Variants in TM2D2 observed in about 807,000 individuals in gnomAD.
TM2D2 encodes the protein TM2 domain containing 2.
A neutral mutation model predicts 23.0 loss-of-function variants in TM2D2; 19 were observed. That is an observed-to-expected ratio of 0.82 (90% CI 0.58 to 1.21). The LOEUF is 1.21. Ranked by LOEUF, TM2D2 falls within the 50% of genes most tolerant of loss-of-function variation. The probability of loss-of-function intolerance (pLI) is 0.00; values close to 1 mark genes in which losing one functional copy is unlikely to be tolerated. For synonymous variants in TM2D2, 120 were observed against 108.8 expected (o/e 1.10, Z -0.64); for missense variants, 246 against 265.4 (o/e 0.93, Z 0.51).
chr8:38,996,090 G>C, intron 1 of TM2D2, 123 bp downstream of exon 1: 2 of 1,185,806 alleles, frequency 1.7e-6, no homozygotes, highest in Non-Finnish European at 2.3e-6. Context: ...TTTGCCTCCG[G>C]AACGACCTCA....
chr8:38,994,130 G>A (rs937532567), intron 2 of TM2D2: 1 of 152,126 alleles, frequency 6.6e-6, no homozygotes, highest in Non-Finnish European at 1.5e-5. Context: ...TATTAAAAAT[G>A]AATAGAATTA....
At chr8:38,992,521 C>T (rs56359509) in intron 3 of TM2D2, among the ~76,000 whole-genome samples, 3,701 of 152,036 alleles carry the variant, frequency 0.024, 177 homozygotes, top group African/African-American at 0.085. Context: ...TTATAATACA[C>T]CCTCTTCACC....
At chr8:38,993,445 G>T in intron 3 of TM2D2, 100 bp downstream of exon 3, 1 of 809,246 alleles carries the variant, frequency 1.2e-6, no homozygotes, top group Non-Finnish European at 1.9e-6. Context: ...AACAGAGTGA[G>T]ACCCTGTCTC....
At position 38,991,202 on chromosome 8, in the gene TM2D2, C is replaced by G. The variant is rs565159386; in HGVS notation, c.*130G>C. On this transcript the variant is annotated 3_prime_UTR_variant, in exon 4 of 4. Transcript: ENST00000456397. The stretch of plus-strand genomic sequence containing the variant: ...CAAAGTCCAAAGAAGCCTTCTTAAC[C>G]AAACAAATGCCCTCCAAAAGAAGGA... The G allele has an allele frequency of 9.7e-6, 8 of 825,188 alleles. No homozygotes were observed. The highest frequency in any genetic ancestry group is 8.3e-5 in the Admixed American group (3 of 36,326). 51.1% of individuals were successfully genotyped at this position (825,188 alleles called of 1,614,324 possible). A position where few individuals can be genotyped will look rare whatever the true frequency, so the allele number is the denominator to read the frequency against.
chr8:38,992,917 C>T (rs4733896), intron 3 of TM2D2, among the ~76,000 whole-genome samples: 2 of 152,168 alleles, frequency 1.3e-5, no homozygotes, highest in Non-Finnish European at 2.9e-5. Flanking sequence ...ACTAATCATA[C>T]TCATAGACTG....
At chr8:38,996,984 C>T (rs1436210038), upstream of TM2D2, 4 of 1,540,546 alleles carry the variant, frequency 2.6e-6, no homozygotes, top group Non-Finnish European at 2.6e-6. Flanking sequence ...GACTTGGGGC[C>T]CCGGCAGGGT....
chr8:38,996,615 G>C (rs1312618524), upstream of TM2D2: 3 of 1,442,538 alleles, frequency 2.1e-6, no homozygotes, highest in Non-Finnish European at 2.7e-6. Flanking sequence ...ACTAGAAAAG[G>C]TCGAGCAGAC....
At chr8:38,995,528 C>T in intron 1 of TM2D2, 123 bp from the exon 2 acceptor site, 1 of 1,540,296 alleles carries the variant, frequency 6.5e-7, no homozygotes, top group Non-Finnish European at 8.7e-7. Flanking sequence ...TTCGGTTTCA[C>T]CCTGCTGACC....
intron 1 of TM2D2, chr8:38,995,617 G>A (rs1475812326): frequency 1.4e-6 from 2 of 1,449,600 alleles, no homozygotes; most frequent in Non-Finnish European, 1.8e-6. Flanking sequence ...GGAGAAGGGA[G>A]GTGTTTCTGG....
At chr8:38,993,909 A>G in intron 2 of TM2D2, 2 of 281,262 alleles carry the variant, frequency 7.1e-6, no homozygotes, top group Non-Finnish European at 1.4e-5. Flanking sequence ...ATATAGTAAA[A>G]AAAACCCCCA....
chr8:38,991,636 T>A, intron 3 of TM2D2, 91 bp from the exon 4 acceptor site: 1 of 942,814 alleles, frequency 1.1e-6, no homozygotes, highest in Non-Finnish European at 1.7e-6. Flanking sequence ...GATGAGACAG[T>A]GCAGTGGACC....
At chr8:38,992,450 CA>C (rs1414322657) in intron 3 of TM2D2, among the ~76,000 whole-genome samples, 1 of 150,810 alleles carries the variant, frequency 6.6e-6, no homozygotes, top group African/African-American at 2.4e-5. Context: ...TGTGCCATTA[CA>C]CTCCAGCCTG....
chr8:38,989,818 ACT>A lies in TM2D2; in HGVS notation c.*1512_*1513del, dbSNP rs1835552228. The A allele has an allele frequency of 5.3e-5, 8 of 151,918 alleles. No individual in the cohort carries two copies. In the South Asian group the frequency reaches 1.0e-3, roughly 20 times the overall value. The allele number at this position is 151,918 out of a possible 1,614,324, so 9.4% of individuals were successfully genotyped here. A position where few individuals can be genotyped will look rare whatever the true frequency, so the allele number is the denominator to read the frequency against. On this transcript the variant is annotated 3_prime_UTR_variant, in exon 4 of 4. Coordinates refer to ENST00000456397, the MANE Select transcript of TM2D2 (RefSeq NM_078473.3). ...ATATGGCATCCTTGAACTCCCTTAA[ACT>A]CTTTTATTTGTATAAATTTATAGGG...
chr8:38,992,371 G>A (rs558782858), intron 3 of TM2D2, among the ~76,000 whole-genome samples: 15 of 148,048 alleles, frequency 1.0e-4, no homozygotes, highest in Admixed American at 2.7e-4. Context: ...CTAGTTACTC[G>A]GGAGGCTGAG....
rs1835564609 is a variant in TM2D2, at chr8:38,990,251, CTGAG to C, written c.*1077_*1080del. 1.3e-5 allele frequency: 2 copies of C among 152,236 alleles called. No individual in the cohort carries two copies. Among genetic ancestry groups the C allele is most frequent in the South Asian group, 4.1e-4 (2 of 4,830 alleles). 9.4% of individuals were successfully genotyped at this position (152,236 alleles called of 1,614,324 possible). ...TTAAATTCAATTATTATTAGGTAAA[CTGAG>C]TGAGTTCTACCTTGTTTCTAGAATT... On this transcript the variant is annotated 3_prime_UTR_variant, in exon 4 of 4. Transcript: ENST00000456397.
At chr8:38,992,502 C>T (rs7836422) in intron 3 of TM2D2, among the ~76,000 whole-genome samples, 60,845 of 151,012 alleles carry the variant, frequency 0.4, 12,858 homozygotes, top group East Asian at 0.75. Flanking sequence ...AAAAAAAATA[C>T]GCATTTTTTT....
Position 38,990,796 on chromosome 8 carries a change from T to C in TM2D2, c.*536A>G, listed in dbSNP as rs536439666. ...TTATTCCCCCTACTGAAAATACTCA[T>C]ACAGTACTCCAAGTTGGTAAAATTT... On this transcript the variant is annotated 3_prime_UTR_variant, in exon 4 of 4. Transcript: ENST00000456397. 1 of 157,304 alleles carries C rather than the reference T, an allele frequency of 6.4e-6. No homozygotes were observed. The highest frequency in any genetic ancestry group is 2.4e-5 in the African/African-American group (1 of 41,588). The allele number at this position is 157,304 out of a possible 1,614,324, so 9.7% of individuals were successfully genotyped here. A position where few individuals can be genotyped will look rare whatever the true frequency, so the allele number is the denominator to read the frequency against.
chr8:38,995,941 A>G, intron 1 of TM2D2: 1 of 715,316 alleles, frequency 1.4e-6, no homozygotes, highest in Non-Finnish European at 2.1e-6. Flanking sequence ...GGGCAAAGAA[A>G]GCACAACCTT....
intron 3 of TM2D2, among the ~76,000 whole-genome samples, chr8:38,993,097 A>C (rs1835651727): frequency 1.3e-5 from 2 of 152,212 alleles, no homozygotes; most frequent in South Asian, 2.1e-4. Flanking sequence ...GGGCTAGATC[A>C]TCTGGCCCAA....
Sources: allele counts gnomAD v4.1 joint callset (sites outside exome capture counted in the v4.1 genomes callset), GRCh38; gene constraint gnomAD v4.1.1; transcripts MANE v1.5; gene names NCBI Gene and HGNC (gene_info 2026-07-23, HGNC 2026-07-21).